NEBL: variants seen among roughly 807,000 people sequenced by gnomAD.
The protein encoded by NEBL is nebulette, also known as LIM and SH3 protein 2.
NEBL carries 122 observed loss-of-function variants against 140.2 expected under a neutral mutation model. That is an observed-to-expected ratio of 0.87 (90% confidence interval 0.75 to 1.01). The LOEUF is 1.01. Among genes scored for constraint, NEBL ranks in the 50% least tolerant of loss-of-function variants. NEBL has a pLI of 0.00. For missense variants in NEBL, 1,365 were observed against 1,231.3 expected, an observed-to-expected ratio of 1.11 and a Z score of -1.62; for synonymous variants, 436 against 398.9, an observed-to-expected ratio of 1.09 and a Z score of -1.11.
chr10:20,835,220 AC>A (rs1354492985), intron 14 of NEBL, among the ~76,000 whole-genome samples: 8 of 152,232 alleles, frequency 5.3e-5, no homozygotes, highest in African/African-American at 1.9e-4. Flanking sequence ...AGCCTAGATT[AC>A]CATTAAATCT....
At chr10:20,916,301 C>T (rs998352074) in intron 4 of NEBL, among the ~76,000 whole-genome samples, 3 of 152,114 alleles carry the variant, frequency 2.0e-5, no homozygotes, top group South Asian at 2.1e-4. Context: ...AGCAAACTAT[C>T]GCTTAAAAAT....
chr10:20,828,604 G>C lies in NEBL; in HGVS notation c.1702C>G (p.Leu568Val), dbSNP rs1169722949. The C allele has an allele frequency of 6.3e-7, 1 of 1,589,310 alleles. No individual in the cohort carries two copies. Among genetic ancestry groups the C allele is most frequent in the African/African-American group, 1.3e-5 (1 of 74,386 alleles). Residue 568 changes from leucine (L) to valine (V), a missense_variant, in exon 17 of 28, where the codon CTT (leucine) becomes GTT (valine). Leu to Val is a conservative substitution (Grantham distance 32, BLOSUM62 1). This residue lies in a region of NEBL where 1,323 missense variants were observed against 1,154.8 expected (regional missense o/e 1.15). Transcript: ENST00000377122. ...TCTGCTATGGTAGAATAGTTAGAAA[G>C]CATCTTCTCTGCTTCATCTTTATAC... ...RKYKDEAEKM[L>V]SNYSTIADTP...
In NEBL at chr10:21,126,262, T is replaced by A. The variant is rs1838830756; in HGVS notation, c.164+46121A>T. On this transcript the variant is annotated intron_variant, in intron 2 of 6. Transcript: ENST00000417816. The stretch of plus-strand genomic sequence containing the variant: ...CAATCCATCTTCAAAATCAGGGACT[T>A]CTTTTGTAAGCCTCATTACAGCCTT... The A allele has an allele frequency of 3.8e-6, 3 of 789,278 alleles. No homozygotes were observed. The African/African-American group carries it at 5.2e-5, about 14-fold the overall frequency. The allele number at this position is 789,278 out of a possible 1,614,324, so 48.9% of individuals were successfully genotyped here.
chr10:20,922,913 C>T (rs78068421), intron 4 of NEBL, among the ~76,000 whole-genome samples: 1,892 of 152,208 alleles, frequency 0.012, 14 homozygotes, highest in Non-Finnish European at 0.018. Flanking sequence ...ACACAGAAAC[C>T]GATGACTTCA....
intron 2 of NEBL, among the ~76,000 whole-genome samples, chr10:21,111,282 C>T (rs10764305): frequency 0.063 from 9,520 of 152,154 alleles, 481 homozygotes; most frequent in East Asian, 0.23. Flanking sequence ...GCCCACAGAG[C>T]CAAGATAATC....
chr10:21,038,379 A>G (rs1197816490), intron 2 of NEBL, among the ~76,000 whole-genome samples: 1 of 152,132 alleles, frequency 6.6e-6, no homozygotes, highest in African/African-American at 2.4e-5. Flanking sequence ...AGCCCCTGGC[A>G]GGCCTCGGTG....
At chr10:21,225,578 G>A (rs1337819929) in intron 3 of NEBL, among the ~76,000 whole-genome samples, 10 of 152,122 alleles carry the variant, frequency 6.6e-5, no homozygotes, top group Admixed American at 6.5e-4. Context: ...TACTGCAGCT[G>A]AGCTGGCACC....
chr10:20,837,645 C>A lies in NEBL; in HGVS notation c.1339-2022G>T, dbSNP rs1029722587. ...CAGATTTTTGATGCAGACAAACCAGCCTTCTATTGGAAAAAGATGCCATCT... is the reference window on the plus strand; with the variant it reads ...CAGATTTTTGATGCAGACAAACCAGACTTCTATTGGAAAAAGATGCCATCT... On this transcript the variant is annotated intron_variant, in intron 13 of 27. Coordinates refer to ENST00000377122, the MANE Select transcript of NEBL (RefSeq NM_006393.3). Among the ~76,000 whole-genome samples, 9 of 152,282 alleles carry A rather than the reference C, an allele frequency of 5.9e-5. No homozygotes were observed. The South Asian group carries it at 6.2e-4, about 11-fold the overall frequency.
At chr10:21,060,708 CCT>C (rs1215978258) in intron 2 of NEBL, among the ~76,000 whole-genome samples, 3 of 152,026 alleles carry the variant, frequency 2.0e-5, no homozygotes, top group Non-Finnish European at 2.9e-5. Context: ...TTCTCTAACT[CCT>C]CTGTTTCCAT....
intron 2 of NEBL, among the ~76,000 whole-genome samples, chr10:21,035,010 A>T (rs1243416732): frequency 1.3e-5 from 2 of 151,242 alleles, no homozygotes; most frequent in African/African-American, 4.9e-5. Context: ...GTCTCACTCC[A>T]TTGCCCAGGC....
At position 20,938,834 on chromosome 10, in the gene NEBL, A is replaced by G. The variant is rs113660269; in HGVS notation, c.357+22838T>C. Among the ~76,000 whole-genome samples, 1,168 of 152,368 alleles carry G rather than the reference A, an allele frequency of 7.7e-3. 20 individuals are homozygous for G. Among genetic ancestry groups the G allele is most frequent in the African/African-American group, 0.027 (1,130 of 41,584 alleles). ...GATGCGATCAACTGGAAGAAAGGAT[A>G]TCAGTGATGCAACATCAAATGAATG... On this transcript the variant is annotated intron_variant, in intron 4 of 6. Transcript: ENST00000417816.
intron 3 of NEBL, among the ~76,000 whole-genome samples, chr10:21,200,429 T>C (rs554381239): frequency 7.3e-5 from 11 of 149,724 alleles, no homozygotes; most frequent in Admixed American, 6.8e-4. Flanking sequence ...TTCTCCTGTC[T>C]CAGCCTCCTG....
intron 4 of NEBL, chr10:20,961,563 A>C (rs1247416608): frequency 2.4e-6 from 2 of 830,804 alleles, no homozygotes; most frequent in Non-Finnish European, 4.2e-6. Context: ...TGCACTGAGT[A>C]CTGCTTGCAC....
intron 16 of NEBL, among the ~76,000 whole-genome samples, chr10:20,829,133 T>C (rs559349769): frequency 6.6e-6 from 1 of 152,074 alleles, no homozygotes; most frequent in East Asian, 1.9e-4. Context: ...AAGTACTAGA[T>C]AGTAAGTATC....
At chr10:20,829,442 A>C (rs1220257676) in intron 16 of NEBL, among the ~76,000 whole-genome samples, 1 of 56,016 alleles carries the variant, frequency 1.8e-5, no homozygotes. Flanking sequence ...GTTGTGGGGT[A>C]GGGGGAGGGG....
At chr10:21,239,981 A>T (rs908761851) in intron 3 of NEBL, among the ~76,000 whole-genome samples, 1 of 151,252 alleles carries the variant, frequency 6.6e-6, no homozygotes, top group South Asian at 2.1e-4. Flanking sequence ...GCGCCACTGC[A>T]CTCCAGCCTG....
chr10:21,118,035 CAT>C (rs1838362958), intron 2 of NEBL, among the ~76,000 whole-genome samples: 2 of 152,104 alleles, frequency 1.3e-5, no homozygotes, highest in African/African-American at 4.8e-5. Flanking sequence ...TGGTTGCTAA[CAT>C]AGCCATCATT....
intron 2 of NEBL, among the ~76,000 whole-genome samples, chr10:21,100,828 TA>T (rs1837444375): frequency 6.6e-6 from 1 of 152,218 alleles, no homozygotes; most frequent in African/African-American, 2.4e-5. Context: ...CACAAAATTG[TA>T]AAAGTGAAGT....
At chr10:21,243,006 T>C (rs906727724) in intron 3 of NEBL, among the ~76,000 whole-genome samples, 1 of 152,102 alleles carries the variant, frequency 6.6e-6, no homozygotes, top group Non-Finnish European at 1.5e-5. Context: ...TTTCTGATCT[T>C]ATGAGGGTCT....
Sources: gnomAD v4.1 joint callset for allele counts (sites outside exome capture counted in the v4.1 genomes callset) on GRCh38, gnomAD v4.1.1 for gene constraint, gnomAD v4.1.1 regional missense constraint, MANE v1.5 for transcripts, NCBI Gene and HGNC (gene_info 2026-07-23, HGNC 2026-07-21) for gene names.